BPTF: variants seen among roughly 807,000 people sequenced by gnomAD.
The protein encoded by BPTF is bromodomain PHD finger transcription factor.
A neutral mutation model predicts 292.5 loss-of-function variants in BPTF; 18 were observed. The observed-to-expected ratio is 0.06, with a 90% CI of 0.04 to 0.09. The LOEUF (loss-of-function observed/expected upper bound fraction) is 0.09, where lower values mean the gene tolerates loss of function less well. Ranked by LOEUF, BPTF falls within the 10% of genes least tolerant of loss-of-function variation. BPTF has a pLI of 1.00. For synonymous variants in BPTF, 1,225 were observed against 1,251.9 expected (o/e 0.98, Z 0.45); for missense variants, 2,726 against 3,498.7 (o/e 0.78, Z 5.57).
chr17:67,834,071 C>G (rs1158956151), intron 1 of BPTF, among the ~76,000 whole-genome samples: 1 of 152,090 alleles, frequency 6.6e-6, no homozygotes, highest in Non-Finnish European at 1.5e-5. Flanking sequence ...CACCTAACTC[C>G]TAGTCATCCA....
At chr17:67,919,819 AT>A (rs2063317060) in intron 12 of BPTF, among the ~76,000 whole-genome samples, 195 bp from the exon 13 acceptor site, 1 of 152,174 alleles carries the variant, frequency 6.6e-6, no homozygotes, top group Non-Finnish European at 1.5e-5. Context: ...TCGTTTAGGA[AT>A]TTGCAGCGAG....
At chr17:67,892,477 A>AG (rs1257781328) in intron 5 of BPTF, among the ~76,000 whole-genome samples, 4 of 152,220 alleles carry the variant, frequency 2.6e-5, no homozygotes, top group African/African-American at 4.8e-5. Flanking sequence ...TACTGTGGAT[A>AG]GGACAGCATG....
At chr17:67,947,354 CATA>C (rs1184638261) in intron 21 of BPTF, among the ~76,000 whole-genome samples, 1 of 152,120 alleles carries the variant, frequency 6.6e-6, no homozygotes, top group East Asian at 1.9e-4. Context: ...GGGAAGAAAG[CATA>C]ATGTTAAAAA....
Position 67,854,610 on chromosome 17 carries a change from G to A in BPTF, c.1284G>A (p.Glu428=). The A allele has an allele frequency of 6.2e-7, 1 of 1,614,236 alleles. No homozygotes were observed. The highest frequency in any genetic ancestry group is 8.5e-7 in the Non-Finnish European group (1 of 1,180,040). Residue 428 remains glutamate (E), a synonymous_variant, in exon 2 of 28, where the codon GAG becomes GAA. Coordinates refer to ENST00000306378, the MANE Select transcript of BPTF (RefSeq NM_182641.4). This position sits in a 1 kb window ranked among gnomAD's most constrained non-coding sequence, Gnocchi z 5.6. Reference sequence around the variant, plus strand: ...CTCTTGAGGAGGTGCCAGAGGACGAGTGGCAGTGTGAAGTCTGTGTAGCAC... The same window carrying A: ...CTCTTGAGGAGGTGCCAGAGGACGAATGGCAGTGTGAAGTCTGTGTAGCAC... ...KPPLEEVPED[E]WQCEVCVAHK...
At position 67,982,557 on chromosome 17, in the gene BPTF, AAAAG is replaced by A. The variant is rs1288112963; in HGVS notation, c.*273_*276del. 1.6e-4 allele frequency: 54 copies of A among 332,516 alleles called. No homozygotes were observed. The highest frequency in any genetic ancestry group is 1.1e-3 in the African/African-American group (50 of 47,030). The allele number at this position is 332,516 out of a possible 1,614,324, so 20.6% of individuals were successfully genotyped here. A position where few individuals can be genotyped will look rare whatever the true frequency, so the allele number is the denominator to read the frequency against. On this transcript the variant is annotated 3_prime_UTR_variant, in exon 28 of 28. Transcript: ENST00000306378. ...CGAGAAAACTTTGTTTATTGAAAAA[AAAAG>A]AAAAAGAAAGCAAGAAAAAAAGATA...
rs943348736 is a variant in BPTF at position 67,917,131 on chromosome 17, C to CTTT, written c.5304-1566_5304-1564dup. ...GATAAGTAACTAATATGGTATTGTC[C>CTTT]TTTTTTTTTTTTTTTTTTTGAGATA... On this transcript the variant is annotated intron_variant, in intron 11 of 27. Coordinates refer to ENST00000306378, the MANE Select transcript of BPTF (RefSeq NM_182641.4). 1.9e-4 allele frequency among the ~76,000 whole-genome samples: 20 copies of CTTT among 105,776 alleles called. 1 individual carries two copies. The East Asian group carries it at 2.0e-3, about 11-fold the overall frequency. The allele number at this position is 105,776 out of a possible 152,430, so 69.4% of individuals were successfully genotyped here.
intron 2 of BPTF, among the ~76,000 whole-genome samples, chr17:67,859,823 AATATATCAGTATCAGTCTACGAAAC>A (rs2058966971): frequency 6.6e-6 from 1 of 152,224 alleles, no homozygotes; most frequent in Non-Finnish European, 1.5e-5. Flanking sequence ...TCTGTTTCCT[AATATATCAGTATCAGTCTACGAAAC>A]AGCATTCAGG....
At chr17:67,907,607 C>G (rs1014784866) in intron 9 of BPTF, among the ~76,000 whole-genome samples, 1 of 152,132 alleles carries the variant, frequency 6.6e-6, no homozygotes, top group Admixed American at 6.5e-5. Context: ...CTGCCTGCCT[C>G]GGCCTCCCAA....
rs781808827 is a variant in BPTF at position 67,945,740 on chromosome 17, A to G, written c.7032A>G (p.Gln2344=). 35 of 1,614,138 alleles carry G rather than the reference A, an allele frequency of 2.2e-5. No homozygotes were observed. Among genetic ancestry groups the G allele is most frequent in the African/African-American group, 9.3e-5 (7 of 75,028 alleles). The part of the protein sequence containing the change: ...NVQGQSPVRV[Q]SPSQTRIRPS... ...AAGGACAGTCTCCTGTTCGTGTCCA[A>G]AGTCCATCACAGACTCGAATACGTC... The change falls in exon 21 of 28, where the codon CAA becomes CAG. Residue 2344 remains glutamine (Q), a synonymous_variant. Coordinates refer to ENST00000306378, the MANE Select transcript of BPTF (RefSeq NM_182641.4).
intron 23 of BPTF, chr17:67,955,277 C>CAAAAAA (rs60507268): frequency 8.4e-6 from 1 of 119,518 alleles, no homozygotes; most frequent in African/African-American, 3.5e-5. Context: ...GACTCTGTCT[C>CAAAAAA]AAAAAAAAAA....
chr17:67,903,720 G>A (rs919255877), intron 7 of BPTF, 69 bp from the exon 8 acceptor site: 7 of 1,385,998 alleles, frequency 5.1e-6, no homozygotes, highest in Admixed American at 2.9e-5. Context: ...TAATTTTTCA[G>A]TATTGCATTT....
At chr17:67,941,914 A>G (rs1555672094) in intron 19 of BPTF, among the ~76,000 whole-genome samples, 1 of 152,262 alleles carries the variant, frequency 6.6e-6, no homozygotes, top group Non-Finnish European at 1.5e-5. Context: ...AGAAAATGAG[A>G]AAAGAACCAA....
Position 67,853,979 on chromosome 17 carries a change from T to A in BPTF, c.653T>A (p.Ile218Lys). ...AGAGTACATCGGCCTCGTTCTCCTA[T>A]ATTGGAAGAAAAAGACATCCCGCCC... is the stretch of plus-strand genomic sequence containing the variant. ...KPRVHRPRSP[I>K]LEEKDIPPLE... The change falls in exon 2 of 28, where the codon ATA (isoleucine) becomes AAA (lysine). Residue 218 changes from isoleucine to lysine, a missense_variant. By Grantham distance (102) the Ile-to-Lys change is moderately radical. Coordinates refer to ENST00000306378, the MANE Select transcript of BPTF (RefSeq NM_182641.4). 2 of 1,614,110 alleles carry A rather than the reference T, an allele frequency of 1.2e-6. No individual in the cohort carries two copies. The highest frequency in any genetic ancestry group is 1.7e-6 in the Non-Finnish European group (2 of 1,179,964).
intron 13 of BPTF, among the ~76,000 whole-genome samples, chr17:67,920,745 A>G (rs2063377737): frequency 6.6e-6 from 1 of 152,228 alleles, no homozygotes; most frequent in Non-Finnish European, 1.5e-5. Flanking sequence ...ATTGGAAAAG[A>G]AGATTAACAC....
At chr17:67,890,670 G>A (rs1361051437) in intron 4 of BPTF, among the ~76,000 whole-genome samples, 3 of 152,146 alleles carry the variant, frequency 2.0e-5, no homozygotes, top group Non-Finnish European at 4.4e-5. Context: ...GGGCGGTGGT[G>A]AGGGAAGTAT....
intron 15 of BPTF, among the ~76,000 whole-genome samples, chr17:67,925,051 GTTT>G (rs59056539): frequency 0.099 from 12,420 of 125,960 alleles, 2,024 homozygotes; most frequent in African/African-American, 0.35. Context: ...ACCCATCCAG[GTTT>G]TTTTTTTTTT....
intron 2 of BPTF, among the ~76,000 whole-genome samples, chr17:67,856,524 A>C (rs905802466): frequency 5.9e-5 from 9 of 152,098 alleles, no homozygotes; most frequent in South Asian, 2.1e-4. Flanking sequence ...TTGTGGTACT[A>C]TGTAGCCAGT....
chr17:67,916,444 G>A lies in BPTF; in HGVS notation c.5304-2270G>A, dbSNP rs143564727. 3.1e-3 allele frequency among the ~76,000 whole-genome samples: 471 copies of A among 152,186 alleles called. 5 individuals carry two copies. Among genetic ancestry groups the A allele is most frequent in the African/African-American group, 0.011 (453 of 41,508 alleles). On this transcript the variant is annotated intron_variant, in intron 11 of 27. Coordinates refer to ENST00000306378, the MANE Select transcript of BPTF (RefSeq NM_182641.4). ...GTCTTTACTAAATATACAAAAATGA[G>A]CCCGGCGTGGTGGCGGGCGCCTGTA...
intron 20 of BPTF, chr17:67,944,600 GAA>G (rs1206637140): frequency 1.7e-6 from 1 of 571,464 alleles, no homozygotes; most frequent in Non-Finnish European, 3.1e-6. Context: ...GAGAGAGAGA[GAA>G]AGGGGGCAAA....
Sources: allele counts gnomAD v4.1 joint callset (sites outside exome capture counted in the v4.1 genomes callset), GRCh38; gene constraint gnomAD v4.1.1; non-coding constraint Gnocchi (gnomAD v3.1); transcripts MANE v1.5; gene names NCBI Gene and HGNC (gene_info 2026-07-23, HGNC 2026-07-21).